SH3BP1: variants seen among roughly 807,000 people sequenced by gnomAD.
The protein encoded by SH3BP1 is SH3 domain binding protein 1, also known as SH3 domain-binding protein 1.
In SH3BP1, 46 loss-of-function variants were observed where a neutral mutation model predicts 69.8. The ratio of observed to expected loss-of-function variants is 0.66; its 90% CI spans 0.52 to 0.84. The LOEUF (loss-of-function observed/expected upper bound fraction) is 0.84. Among genes scored for constraint, SH3BP1 ranks in the 40% least tolerant of loss-of-function variants. The probability of loss-of-function intolerance (pLI) is 0.00; values close to 1 mark genes in which losing one functional copy is unlikely to be tolerated. For missense variants in SH3BP1, 868 were observed against 930.9 expected (o/e 0.93, Z 0.88); for synonymous variants, 403 against 378.0 (o/e 1.07, Z -0.77).
At chr22:37,644,610 G>A (rs752650313) in intron 7 of SH3BP1, 27 bp from the exon 8 acceptor site, 28 of 1,612,528 alleles carry the variant, frequency 1.7e-5, no homozygotes, top group Middle Eastern at 3.3e-4. Flanking sequence ...CTCACCCAAC[G>A]TAAGCTCTCC....
chr22:37,645,321 G>A (rs13053394), intron 9 of SH3BP1, 44 bp from the exon 10 acceptor site: 41,002 of 1,573,650 alleles, frequency 0.026, 1,804 homozygotes, highest in East Asian at 0.23. Flanking sequence ...CTGACTGCTC[G>A]GGGTGGGAAG....
At position 37,644,641 on chromosome 22, in the gene SH3BP1, A is replaced by G; in HGVS notation, c.623A>G (p.Glu208Gly). The change falls in exon 8 of 18, where the codon GAG (glutamate) becomes GGG (glycine). Residue 208 changes from glutamate to glycine, a missense_variant. This residue lies in a region of SH3BP1 where 387 missense variants were observed against 447.9 expected (regional missense o/e 0.86). Coordinates refer to ENST00000649765, the MANE Select transcript of SH3BP1 (RefSeq NM_018957.6). ...TCTCCCCTCTCTGTCCCCAAGGACGAGTACTTGGCTGACCTGTACCACTTT... is the reference window on the plus strand; with the variant it reads ...TCTCCCCTCTCTGTCCCCAAGGACGGGTACTTGGCTGACCTGTACCACTTT... ...LKRKVEQCRD[E>G]YLADLYHFVT... The G allele has an allele frequency of 1.2e-6, 2 of 1,614,112 alleles. No homozygotes were observed. Among genetic ancestry groups the G allele is most frequent in the Non-Finnish European group, 1.7e-6 (2 of 1,179,944 alleles).
At position 37,653,916 on chromosome 22, in the gene SH3BP1, G is replaced by A. The variant is rs541939458; in HGVS notation, c.1693+43G>A. The A allele has an allele frequency of 3.3e-5, 40 of 1,223,074 alleles. 2 individuals carry two copies. Among genetic ancestry groups the A allele is most frequent in the Admixed American group, 1.1e-4 (6 of 55,184 alleles). The allele number at this position is 1,223,074 out of a possible 1,614,324, so 75.8% of individuals were successfully genotyped here. A position where few individuals can be genotyped will look rare whatever the true frequency, so the allele number is the denominator to read the frequency against. The stretch of plus-strand genomic sequence containing the variant: ...GGGGAGGAGGGGACAGAGGGTGGGC[G>A]GGGAGAGGGGACAGGCAGTCCCAGG... On this transcript the variant is annotated intron_variant, in intron 17 of 17. Transcript: ENST00000649765.
At chr22:37,647,955 C>G (rs111230248) in intron 13 of SH3BP1, among the ~76,000 whole-genome samples, 2,649 of 152,300 alleles carry the variant, frequency 0.017, 83 homozygotes, top group African/African-American at 0.061. Flanking sequence ...GGATTACAGG[C>G]GTGAGGCACT....
intron 15 of SH3BP1, 52 bp downstream of exon 15, chr22:37,650,301 G>A: frequency 1.3e-6 from 2 of 1,549,398 alleles, no homozygotes; most frequent in African/African-American, 1.4e-5. Flanking sequence ...CTTCTGCCCT[G>A]CTCCCTCCCC....
chr22:37,655,941 C>T lies in SH3BP1; in HGVS notation c.*257C>T. 1.3e-6 allele frequency: 2 copies of T among 1,564,848 alleles called. No homozygotes were observed. The highest frequency in any genetic ancestry group is 1.7e-6 in the Non-Finnish European group (2 of 1,159,478). ...TCTCCGGCAGGTCCTAGGGGAGCCA[C>T]CGGAAGGAAGGAGAGGTTTGCCTGC... On this transcript the variant is annotated 3_prime_UTR_variant, in exon 18 of 18. Coordinates refer to ENST00000649765, the MANE Select transcript of SH3BP1 (RefSeq NM_018957.6).
chr22:37,643,809 C>A, intron 7 of SH3BP1, 21 bp downstream of exon 7: 1 of 1,611,066 alleles, frequency 6.2e-7, no homozygotes. Context: ...TGGGGGTCCC[C>A]TGGATATGTA....
At chr22:37,643,291 T>C in intron 6 of SH3BP1, 117 bp downstream of exon 6, 3 of 885,260 alleles carry the variant, frequency 3.4e-6, no homozygotes, top group Middle Eastern at 2.3e-4. Context: ...GAGTACAGTG[T>C]GTGTACTTGT....
In SH3BP1 at chr22:37,642,661, T is replaced by C. The variant is rs1420003594; in HGVS notation, c.284+46T>C. ...GCCCTCACCTGGGGATACCAAGACG[T>C]GATCTCAGCTGGGAGGGGGTCCAGG... On this transcript the variant is annotated intron_variant, in intron 4 of 17. Transcript: ENST00000649765. 2.5e-6 allele frequency: 4 copies of C among 1,612,126 alleles called. No individual in the cohort carries two copies. In the Admixed American group the frequency reaches 6.7e-5, roughly 27 times the overall value.
chr22:37,641,791 A>G (rs1569005019), intron 3 of SH3BP1: 2 of 334,624 alleles, frequency 6.0e-6, no homozygotes. Flanking sequence ...TTCCTGAAGG[A>G]GGTAGCAATT....
chr22:37,655,312 CCAGGTCT>C lies in SH3BP1; in HGVS notation c.1736_1742del (p.Gln579ProfsTer77). On this transcript the variant is annotated frameshift_variant, in exon 18 of 18. Coordinates refer to ENST00000649765, the MANE Select transcript of SH3BP1 (RefSeq NM_018957.6). LOFTEE classifies it low-confidence loss of function (END_TRUNC). ...CAGCCCGGCCCACCATGCCGCCCCC[CCAGGTCT>C]CCGGCTCCCGCTCCTCCCCTCCAGC... 6.4e-7 allele frequency: 1 copy of C among 1,564,090 alleles called. No individual in the cohort carries two copies.
intron 7 of SH3BP1, among the ~76,000 whole-genome samples, 154 bp downstream of exon 7, chr22:37,643,942 C>A (rs1425682316): frequency 6.6e-6 from 1 of 152,224 alleles, no homozygotes; most frequent in Non-Finnish European, 1.5e-5. Flanking sequence ...TCCCTCGTAG[C>A]CTCTTCTGTC....
intron 2 of SH3BP1, 66 bp from the exon 3 acceptor site, chr22:37,641,308 G>A: frequency 6.5e-7 from 1 of 1,531,302 alleles, no homozygotes; most frequent in Non-Finnish European, 8.9e-7. Flanking sequence ...CAGGGGACAG[G>A]AGAAAGTTTC....
intron 15 of SH3BP1, 140 bp downstream of exon 15, chr22:37,650,389 G>A: frequency 6.7e-7 from 1 of 1,491,776 alleles, no homozygotes. Context: ...GGGATGGTCT[G>A]CCTGCTTTGT....
rs770688644 is a variant in SH3BP1 at position 37,650,170 on chromosome 22, T to C, written c.1335T>C (p.Asp445=). The stretch of plus-strand genomic sequence containing the variant: ...GTCCCAGGGACCAGGCCCAGCTGGA[T>C]GCAGCCTCCGTGTCTTCCATCCAGG... ...PEKEGDQAQL[D]AASVSSIQVV... Residue 445 remains aspartate (D), a synonymous_variant, in exon 15 of 18, where the codon GAT becomes GAC. Coordinates refer to ENST00000649765, the MANE Select transcript of SH3BP1 (RefSeq NM_018957.6). The C allele has an allele frequency of 2.5e-6, 4 of 1,614,012 alleles. No individual in the cohort carries two copies. The African/African-American group carries it at 4.0e-5, about 16-fold the overall frequency.
chr22:37,647,551 C>T (rs750056848), intron 13 of SH3BP1, 30 bp downstream of exon 13: 118 of 1,563,508 alleles, frequency 7.5e-5, no homozygotes, highest in African/African-American at 9.5e-5. Context: ...CCCAGCCTGC[C>T]GCAGAGCCAG....
chr22:37,641,114 C>CAAA lies in SH3BP1; in HGVS notation c.60-11_60-10insAAA. ...GAAGCACTCTCCCCCCCCCCCCCAC[C>CAAA]ACTCCCCGCAGCACCCCGGAGACCG... is the stretch of plus-strand genomic sequence containing the variant. On this transcript the variant is annotated splice_polypyrimidine_tract_variant and intron_variant, in intron 1 of 17. Coordinates refer to ENST00000649765, the MANE Select transcript of SH3BP1 (RefSeq NM_018957.6). 7.4e-7 allele frequency: 1 copy of CAAA among 1,358,290 alleles called. No homozygotes were observed. Among genetic ancestry groups the CAAA allele is most frequent in the Non-Finnish European group, 1.0e-6 (1 of 984,246 alleles). The allele number at this position is 1,358,290 out of a possible 1,614,324, so 84.1% of individuals were successfully genotyped here. A position where few individuals can be genotyped will look rare whatever the true frequency, so the allele number is the denominator to read the frequency against.
rs1335770460 is a variant in SH3BP1 at position 37,641,736 on chromosome 22, A to G, written c.207+258A>G. 3.0e-5 allele frequency: 14 copies of G among 468,632 alleles called. No homozygotes were observed. The Admixed American group carries it at 4.7e-4, about 16-fold the overall frequency. 29.0% of individuals were successfully genotyped at this position (468,632 alleles called of 1,614,324 possible). ...GACAGCACCTGAACTTCTCTGTCCA[A>G]TCAGTGCGCAAGAGCAGGCTGTCAA... On this transcript the variant is annotated intron_variant, in intron 3 of 17. Transcript: ENST00000649765.
rs993947291 is a variant in SH3BP1 at position 37,641,474 on chromosome 22, G to A, written c.203G>A (p.Arg68Gln). Residue 68 changes from arginine to glutamine, a missense_variant, in exon 3 of 18, where the codon CGG (arginine) becomes CAG (glutamine). Arg to Gln is a conservative substitution (Grantham distance 43, BLOSUM62 1). This residue lies in a region of SH3BP1 where 387 missense variants were observed against 447.9 expected (regional missense o/e 0.86). Transcript: ENST00000649765. Reference protein sequence around the residue: ...QGQSGADMDKRVKKLPLMALS... With the variant: ...QGQSGADMDKQVKKLPLMALS... ...CAGAGCGGGGCAGACATGGACAAGC[G>A]GGTGGTGAGTGGGGGGTCCCGGGAA... 1.7e-5 allele frequency: 27 copies of A among 1,549,750 alleles called. No individual in the cohort carries two copies. The highest frequency in any genetic ancestry group is 2.4e-5 in the East Asian group (1 of 40,950).
Sources: gnomAD v4.1 joint callset for allele counts (sites outside exome capture counted in the v4.1 genomes callset) on GRCh38, gnomAD v4.1.1 for gene constraint, gnomAD v4.1.1 regional missense constraint, MANE v1.5 for transcripts, NCBI Gene and HGNC (gene_info 2026-07-23, HGNC 2026-07-21) for gene names.